The following PPP2R5E variants were observed in gnomAD, a reference collection of about 807,000 sequenced individuals.
The protein encoded by PPP2R5E is protein phosphatase 2 regulatory subunit B'epsilon, also known as serine/threonine-protein phosphatase 2A 56 kDa regulatory subunit epsilon isoform.
A neutral mutation model predicts 65.3 loss-of-function variants in PPP2R5E; 4 were observed. The observed-to-expected ratio is 0.06, with a 90% CI of 0.03 to 0.14. PPP2R5E has a LOEUF of 0.14. PPP2R5E is among the 10% of genes least tolerant of loss of function. PPP2R5E has a pLI of 1.00. For missense variants in PPP2R5E, 274 were observed against 556.1 expected, an observed-to-expected ratio of 0.49 and a Z score of 5.10; for synonymous variants, 183 against 187.4, an observed-to-expected ratio of 0.98 and a Z score of 0.19.
chr14:63,442,898 C>T (rs568581723), intron 3 of PPP2R5E, among the ~76,000 whole-genome samples: 4 of 152,236 alleles, frequency 2.6e-5, no homozygotes, highest in African/African-American at 9.6e-5. Flanking sequence ...CGGCAGTTAT[C>T]ATTCCAAAGC....
At chr14:63,409,586 C>A (rs945735301) in intron 5 of PPP2R5E, among the ~76,000 whole-genome samples, 2 of 152,148 alleles carry the variant, frequency 1.3e-5, no homozygotes, top group African/African-American at 4.8e-5. Flanking sequence ...TATCTCATAA[C>A]AAGCCTACTT....
chr14:63,511,896 T>C (rs547906485), intron 2 of PPP2R5E, among the ~76,000 whole-genome samples: 2 of 151,944 alleles, frequency 1.3e-5, no homozygotes, highest in East Asian at 3.9e-4. Flanking sequence ...CTGGCCAACA[T>C]GGTGAAACCC....
chr14:63,396,188 A>G (rs1885382289), intron 6 of PPP2R5E, among the ~76,000 whole-genome samples: 2 of 65,348 alleles, frequency 3.1e-5, no homozygotes, highest in Admixed American at 3.4e-4. Context: ...AGGAGAGAGG[A>G]GAGGAAAAGA....
chr14:63,457,712 C>T (rs865822213), intron 2 of PPP2R5E, among the ~76,000 whole-genome samples: 2 of 152,108 alleles, frequency 1.3e-5, no homozygotes, highest in African/African-American at 2.4e-5. Context: ...AATCAATAAG[C>T]GGTTATGTAA....
rs1477759869 is a variant in PPP2R5E at position 63,384,673 on chromosome 14, A to G, written c.1075-102T>C. 9.4e-6 allele frequency: 9 copies of G among 956,968 alleles called. No homozygotes were observed. In the East Asian group the frequency reaches 2.4e-4, roughly 26 times the overall value. The allele number at this position is 956,968 out of a possible 1,614,324, so 59.3% of individuals were successfully genotyped here. On this transcript the variant is annotated intron_variant, in intron 11 of 13. Transcript: ENST00000337537. ...AAAAGTATTTCAAAAGGCTATTTGTAAATCATTCAATTAGAGGTAAAATTA... is the reference window on the plus strand; with the variant it reads ...AAAAGTATTTCAAAAGGCTATTTGTGAATCATTCAATTAGAGGTAAAATTA...
chr14:63,505,755 G>A (rs1892132484), intron 2 of PPP2R5E, among the ~76,000 whole-genome samples: 1 of 152,170 alleles, frequency 6.6e-6, no homozygotes, highest in Non-Finnish European at 1.5e-5. Flanking sequence ...AACATTCAGT[G>A]ACCGTCACAT....
chr14:63,395,097 T>C (rs1885243811), intron 7 of PPP2R5E, 129 bp downstream of exon 7: 3 of 700,722 alleles, frequency 4.3e-6, no homozygotes, highest in East Asian at 2.7e-5. Context: ...AATATGCTAA[T>C]AGGCACAAAT....
At position 63,375,984 on chromosome 14, in the gene PPP2R5E, A is replaced by G. The variant is rs764740985; in HGVS notation, c.*25T>C. The G allele has an allele frequency of 6.8e-7, 1 of 1,468,578 alleles. No homozygotes were observed. The highest frequency in any genetic ancestry group is 9.5e-7 in the Non-Finnish European group (1 of 1,049,884). 91.0% of individuals were successfully genotyped at this position (1,468,578 alleles called of 1,614,324 possible). A position where few individuals can be genotyped will look rare whatever the true frequency, so the allele number is the denominator to read the frequency against. On this transcript the variant is annotated 3_prime_UTR_variant, in exon 14 of 14. Coordinates refer to ENST00000337537, the MANE Select transcript of PPP2R5E (RefSeq NM_006246.5). ...ACATAAACGTGTGACTCCACAGGTT[A>G]GTAATGTTGTTGTCATTGTTTTTGT...
At chr14:63,482,461 A>C (rs1890758384) in intron 2 of PPP2R5E, among the ~76,000 whole-genome samples, 1 of 152,160 alleles carries the variant, frequency 6.6e-6, no homozygotes, top group African/African-American at 2.4e-5. Context: ...TCCGTCTTGG[A>C]AAACAACAAC....
At chr14:63,380,941 G>A (rs1884318573) in intron 13 of PPP2R5E, among the ~76,000 whole-genome samples, 1 of 152,060 alleles carries the variant, frequency 6.6e-6, no homozygotes, top group South Asian at 2.1e-4. Flanking sequence ...ATGAGACAAA[G>A]CAAAGCACCA....
chr14:63,391,065 G>A (rs1594818763), intron 10 of PPP2R5E, among the ~76,000 whole-genome samples: 1 of 152,304 alleles, frequency 6.6e-6, no homozygotes, highest in East Asian at 1.9e-4. Flanking sequence ...GCTTTAAAAT[G>A]AGTATTTGGG....
intron 1 of PPP2R5E, 25 bp from the exon 2 acceptor site, chr14:63,539,717 C>A: frequency 6.3e-7 from 1 of 1,586,512 alleles, no homozygotes; most frequent in Non-Finnish European, 8.6e-7. Flanking sequence ...GTATCATAAA[C>A]CCATACATTC....
At chr14:63,392,173 A>G (rs1055358903) in intron 8 of PPP2R5E, 148 bp from the exon 9 acceptor site, 1 of 577,440 alleles carries the variant, frequency 1.7e-6, no homozygotes. Flanking sequence ...AAATCTATAT[A>G]AAGTAAAATA....
intron 3 of PPP2R5E, among the ~76,000 whole-genome samples, chr14:63,449,872 ATTTTTTTTTT>A (rs35931655): frequency 9.5e-6 from 1 of 105,412 alleles, no homozygotes; most frequent in Non-Finnish European, 1.9e-5. Flanking sequence ...TTCTTTTCCT[ATTTTTTTTTT>A]TTTTTTTTTT....
At chr14:63,381,256 C>T (rs746851136) in intron 13 of PPP2R5E, among the ~76,000 whole-genome samples, 18 of 152,144 alleles carry the variant, frequency 1.2e-4, no homozygotes, top group Admixed American at 2.0e-4. Context: ...GACTATTAAC[C>T]TTCATGTTCT....
chr14:63,469,848 T>A (rs941050911), intron 2 of PPP2R5E, among the ~76,000 whole-genome samples: 3 of 152,172 alleles, frequency 2.0e-5, no homozygotes, highest in African/African-American at 7.2e-5. Context: ...ATGTTAATAT[T>A]CCCATTTTAC....
intron 2 of PPP2R5E, among the ~76,000 whole-genome samples, chr14:63,470,342 G>C (rs1890051462): frequency 6.6e-6 from 1 of 151,242 alleles, no homozygotes; most frequent in African/African-American, 2.4e-5. Context: ...CAAAGTGCTG[G>C]GATTACAAGT....
intron 2 of PPP2R5E, among the ~76,000 whole-genome samples, chr14:63,471,167 G>A (rs947833028): frequency 6.6e-6 from 1 of 152,202 alleles, no homozygotes; most frequent in South Asian, 2.1e-4. Context: ...ATAAAAATGC[G>A]TAAGTTTCAA....
rs1410271812 is a variant in PPP2R5E, at chr14:63,522,187, C to A, written c.157+17342G>T. 4.6e-5 allele frequency among the ~76,000 whole-genome samples: 7 copies of A among 152,278 alleles called. No individual in the cohort carries two copies. In the East Asian group the frequency reaches 1.2e-3, roughly 25 times the overall value. ...TCTCCAGCTCCTAACCGCGAGTGAT[C>A]CACCAGCCTCGGCCTCCCGAGGTGC... is the stretch of plus-strand genomic sequence containing the variant. On this transcript the variant is annotated intron_variant, in intron 2 of 13. Coordinates refer to ENST00000337537, the MANE Select transcript of PPP2R5E (RefSeq NM_006246.5).
Sources: allele counts gnomAD v4.1 joint callset (sites outside exome capture counted in the v4.1 genomes callset), GRCh38; gene constraint gnomAD v4.1.1; transcripts MANE v1.5; gene names NCBI Gene and HGNC (gene_info 2026-07-23, HGNC 2026-07-21).